NTNG1: variants seen among roughly 807,000 people sequenced by gnomAD.
The protein encoded by NTNG1 is netrin-G1.
Under a neutral mutation model 54.0 loss-of-function variants are expected in NTNG1, and 16 were observed. The observed-to-expected ratio is 0.30, with a 90% CI of 0.20 to 0.45. The LOEUF (loss-of-function observed/expected upper bound fraction) is 0.45. Among genes scored for constraint, NTNG1 ranks in the 20% least tolerant of loss-of-function variants. NTNG1 has a pLI of 1.00. For synonymous variants in NTNG1, 255 were observed against 263.1 expected (o/e 0.97, Z 0.30); for missense variants, 530 against 678.7 (o/e 0.78, Z 2.43).
At chr1:107,253,952 A>C (rs756047876) in intron 2 of NTNG1, among the ~76,000 whole-genome samples, 8 of 152,234 alleles carry the variant, frequency 5.3e-5, no homozygotes, top group Non-Finnish European at 1.0e-4. Context: ...ATTAATTACT[A>C]TTCGGGACAG....
At chr1:107,273,487 G>A (rs982672113) in intron 2 of NTNG1, among the ~76,000 whole-genome samples, 3 of 152,202 alleles carry the variant, frequency 2.0e-5, no homozygotes, top group Admixed American at 1.3e-4. Flanking sequence ...TTGTAGGGAA[G>A]GGGTTAGTTT....
At chr1:107,236,336 T>C (rs1039897619) in intron 2 of NTNG1, among the ~76,000 whole-genome samples, 4 of 152,120 alleles carry the variant, frequency 2.6e-5, no homozygotes, top group Admixed American at 2.6e-4. Flanking sequence ...GATTTAAGTT[T>C]TTCAGGCAGA....
chr1:107,431,949 T>C (rs1018897613), intron 6 of NTNG1, among the ~76,000 whole-genome samples: 2 of 152,194 alleles, frequency 1.3e-5, no homozygotes, highest in African/African-American at 4.8e-5. Flanking sequence ...CATTGTCCTC[T>C]GATTGGATCG....
chr1:107,359,616 C>A (rs537899635), intron 3 of NTNG1, among the ~76,000 whole-genome samples: 1 of 152,116 alleles, frequency 6.6e-6, no homozygotes, highest in East Asian at 1.9e-4. Flanking sequence ...TGGCAAGCTC[C>A]CCCACCCCCA....
Position 107,266,041 on chromosome 1 carries a change from G to A in NTNG1, c.247-58241G>A, listed in dbSNP as rs371536897. ...GCATTTTTTGGGCACAATTCTAATT[G>A]CACGCTAGTCACATTTTGGAGTCAT... On this transcript the variant is annotated intron_variant, in intron 2 of 7. Coordinates refer to ENST00000370068, the MANE Select transcript of NTNG1 (RefSeq NM_001113226.3). Among the ~76,000 whole-genome samples, 12 of 152,212 alleles carry A rather than the reference G, an allele frequency of 7.9e-5. No homozygotes were observed. In the East Asian group the frequency reaches 1.5e-3, roughly 20 times the overall value.
intron 2 of NTNG1, among the ~76,000 whole-genome samples, chr1:107,226,755 A>G (rs1168384292): frequency 6.6e-6 from 1 of 152,132 alleles, no homozygotes; most frequent in Non-Finnish European, 1.5e-5. Flanking sequence ...TCATGTACAG[A>G]GTCTCACCAG....
intron 5 of NTNG1, among the ~76,000 whole-genome samples, chr1:107,429,730 C>A (rs892931163): frequency 3.5e-4 from 54 of 152,120 alleles, no homozygotes; most frequent in Non-Finnish European, 4.6e-4. Context: ...AAAACAGATA[C>A]CCCACCTAGT....
chr1:107,287,493 G>A (rs1557871183), intron 2 of NTNG1, among the ~76,000 whole-genome samples: 1 of 152,156 alleles, frequency 6.6e-6, no homozygotes, highest in African/African-American at 2.4e-5. Context: ...TGTGCCTGTA[G>A]TCCCGACTAC....
chr1:107,256,669 C>G (rs1303243528), intron 2 of NTNG1, among the ~76,000 whole-genome samples: 3 of 152,126 alleles, frequency 2.0e-5, no homozygotes, highest in Non-Finnish European at 4.4e-5. Flanking sequence ...CAGAGAGAAC[C>G]TTGCTCCAGT....
chr1:107,293,888 A>ATT (rs34404098), intron 2 of NTNG1, among the ~76,000 whole-genome samples: 1 of 151,784 alleles, frequency 6.6e-6, no homozygotes, highest in Admixed American at 6.6e-5. Context: ...CTTATAAGTG[A>ATT]TTTTTTTTCT....
intron 4 of NTNG1, 88 bp from the exon 5 acceptor site, chr1:107,407,594 A>G: frequency 9.3e-7 from 1 of 1,077,312 alleles, no homozygotes; most frequent in Non-Finnish European, 1.4e-6. Flanking sequence ...ATCAAGTGTC[A>G]AGTTTCTAAG....
Position 107,436,797 on chromosome 1 carries a change from A to G in NTNG1, c.1388A>G (p.Gln463Arg). 1 of 1,613,226 alleles carries G rather than the reference A, an allele frequency of 6.2e-7. No homozygotes were observed. Among genetic ancestry groups the G allele is most frequent in the Non-Finnish European group, 8.5e-7 (1 of 1,179,496 alleles). Residue 463 changes from glutamine to arginine, a missense_variant and splice_region_variant, in exon 7 of 8, where the codon CAA becomes CGA. Gln to Arg is a conservative substitution (Grantham distance 43, BLOSUM62 1). Around this residue, in one of 2 missense-constraint regions of NTNG1, gnomAD observed 212 missense variants for 213.6 expected, o/e 0.99. Coordinates refer to ENST00000370068, the MANE Select transcript of NTNG1 (RefSeq NM_001113226.3). ...LPGNSWHYGC[Q>R]PNVCDNELLH... ...GGAAATTCCTGGCACTACGGCTGTC[A>G]ACGTAAGTAACTCTGGGAGCTGCCC...
intron 2 of NTNG1, among the ~76,000 whole-genome samples, chr1:107,194,799 T>C (rs1210607204): frequency 1.3e-5 from 2 of 152,030 alleles, no homozygotes; most frequent in Admixed American, 1.3e-4. Flanking sequence ...ATTATAGATA[T>C]GGCAACATGC....
At chr1:107,307,401 C>T (rs532304729) in intron 2 of NTNG1, among the ~76,000 whole-genome samples, 1 of 152,108 alleles carries the variant, frequency 6.6e-6, no homozygotes, top group Admixed American at 6.5e-5. Flanking sequence ...GATGATGATG[C>T]TAGTAATTTC....
chr1:107,229,166 G>A (rs1431488047), intron 2 of NTNG1, among the ~76,000 whole-genome samples: 1 of 151,862 alleles, frequency 6.6e-6, no homozygotes. Flanking sequence ...AAGTGGAAAT[G>A]TCATAAATGA....
At chr1:107,179,498 T>C (rs1326529448) in intron 2 of NTNG1, among the ~76,000 whole-genome samples, 5 of 152,152 alleles carry the variant, frequency 3.3e-5, no homozygotes, top group Admixed American at 3.3e-4. Flanking sequence ...AAATTGACAA[T>C]ACAAATTATT....
At chr1:107,303,189 T>C (rs1033841109) in intron 2 of NTNG1, among the ~76,000 whole-genome samples, 1 of 152,230 alleles carries the variant, frequency 6.6e-6, no homozygotes. Context: ...AGTTCTGAAA[T>C]CACTTGAGTA....
At chr1:107,376,735 A>AT (rs958472184) in intron 3 of NTNG1, among the ~76,000 whole-genome samples, 1 of 152,116 alleles carries the variant, frequency 6.6e-6, no homozygotes, top group Admixed American at 6.5e-5. Context: ...AATTGCTGAC[A>AT]TAGTATCTCG....
intron 7 of NTNG1, among the ~76,000 whole-genome samples, chr1:107,444,958 GA>G (rs1430647123): frequency 6.6e-6 from 1 of 152,034 alleles, no homozygotes; most frequent in African/African-American, 2.4e-5. Flanking sequence ...GTGTATGTAA[GA>G]AAAAATTTCA....
Sources: gnomAD v4.1 joint callset for allele counts (sites outside exome capture counted in the v4.1 genomes callset) on GRCh38, gnomAD v4.1.1 for gene constraint, gnomAD v4.1.1 regional missense constraint, MANE v1.5 for transcripts, NCBI Gene and HGNC (gene_info 2026-07-23, HGNC 2026-07-21) for gene names.